UBR3: variants seen among roughly 807,000 people sequenced by gnomAD.
The protein encoded by UBR3 is ubiquitin protein ligase E3 component n-recognin 3.
A neutral mutation model predicts 243.2 loss-of-function variants in UBR3; 85 were observed. That is an observed-to-expected ratio of 0.35 (90% CI 0.29 to 0.42). The LOEUF is 0.42. Among genes scored for constraint, UBR3 ranks in the 10% least tolerant of loss-of-function variants. The pLI is 1.00. For synonymous variants in UBR3, 748 were observed against 799.8 expected (o/e 0.94, Z 1.09); for missense variants, 1,686 against 2,300.8 (o/e 0.73, Z 5.47).
chr2:169,944,476 A>C (rs1263981412), intron 20 of UBR3, among the ~76,000 whole-genome samples: 1 of 152,192 alleles, frequency 6.6e-6, no homozygotes, highest in African/African-American at 2.4e-5. Context: ...ATAAAAAGAC[A>C]ATGTTTTAGT....
chr2:170,073,102 C>A (rs1385357018), intron 35 of UBR3, among the ~76,000 whole-genome samples: 1 of 152,024 alleles, frequency 6.6e-6, no homozygotes, highest in Admixed American at 6.6e-5. Flanking sequence ...TTCTCTTTGC[C>A]CCATATTAAC....
intron 31 of UBR3, 82 bp from the exon 32 acceptor site, chr2:170,040,800 A>G (rs2090948421): frequency 8.7e-6 from 9 of 1,036,612 alleles, no homozygotes; most frequent in African/African-American, 1.6e-5. Context: ...TTTCTGTTCC[A>G]TAGATATATA....
chr2:169,995,587 T>C (rs1319270262), intron 26 of UBR3, among the ~76,000 whole-genome samples: 2 of 152,224 alleles, frequency 1.3e-5, no homozygotes, highest in African/African-American at 2.4e-5. Context: ...AAGTGAGGAC[T>C]TAATGTATTA....
chr2:170,017,548 C>G (rs201130601), intron 30 of UBR3, among the ~76,000 whole-genome samples: 102 of 23,738 alleles, frequency 4.3e-3, no homozygotes, highest in South Asian at 0.01. Context: ...CACACACAGA[C>G]ACACACACAC....
chr2:169,913,345 G>C (rs569540457), intron 10 of UBR3, among the ~76,000 whole-genome samples: 4 of 137,506 alleles, frequency 2.9e-5, no homozygotes, highest in African/African-American at 1.0e-4. Context: ...GTTTTTTTTT[G>C]TTTGTTTGTT....
intron 36 of UBR3, among the ~76,000 whole-genome samples, chr2:170,078,520 T>C (rs1574489950): frequency 6.6e-6 from 1 of 152,358 alleles, no homozygotes; most frequent in East Asian, 1.9e-4. Flanking sequence ...GTTTAGAGCA[T>C]ACACATTCTG....
At chr2:170,071,613 G>C (rs1245605122) in intron 35 of UBR3, among the ~76,000 whole-genome samples, 1 of 152,072 alleles carries the variant, frequency 6.6e-6, no homozygotes, top group African/African-American at 2.4e-5. Flanking sequence ...TGGATTTATA[G>C]CTCAGTAAAG....
At chr2:169,858,774 A>G (rs2082980428) in intron 1 of UBR3, among the ~76,000 whole-genome samples, 1 of 151,654 alleles carries the variant, frequency 6.6e-6, no homozygotes, top group Admixed American at 6.6e-5. Context: ...TAATTTTTGT[A>G]TTTTTAGTAG....
chr2:169,908,113 T>A (rs10192904), intron 10 of UBR3, among the ~76,000 whole-genome samples: 30,909 of 152,148 alleles, frequency 0.2, 3,498 homozygotes, highest in East Asian at 0.37. Context: ...CCTTTCTTGA[T>A]TCCTGTGCTT....
At chr2:169,872,764 T>C (rs1443352232) in intron 2 of UBR3, among the ~76,000 whole-genome samples, 2 of 152,040 alleles carry the variant, frequency 1.3e-5, no homozygotes, top group African/African-American at 2.4e-5. Flanking sequence ...TTATCAACTT[T>C]TTTTTAGAAG....
At chr2:169,959,609 G>A (rs1159714905) in intron 24 of UBR3, among the ~76,000 whole-genome samples, 2 of 152,094 alleles carry the variant, frequency 1.3e-5, no homozygotes, top group African/African-American at 4.8e-5. Context: ...ATGAAAGGGA[G>A]TTTACTAGGG....
intron 24 of UBR3, among the ~76,000 whole-genome samples, chr2:169,981,580 A>G (rs895496006): frequency 1.1e-4 from 16 of 152,162 alleles, no homozygotes; most frequent in South Asian, 2.1e-4. Flanking sequence ...ATAAGGAGAC[A>G]TAACAACTAA....
intron 30 of UBR3, among the ~76,000 whole-genome samples, chr2:170,017,775 G>C (rs1005008930): frequency 6.6e-6 from 1 of 152,088 alleles, no homozygotes; most frequent in Non-Finnish European, 1.5e-5. Context: ...ACGTGTCTGG[G>C]AAATTTTCCA....
intron 33 of UBR3, among the ~76,000 whole-genome samples, chr2:170,057,324 C>A (rs2091357408): frequency 6.6e-6 from 1 of 151,950 alleles, no homozygotes; most frequent in Admixed American, 6.6e-5. Context: ...TACCATGTTG[C>A]CCAGGCTGGT....
intron 31 of UBR3, among the ~76,000 whole-genome samples, chr2:170,033,842 ATTT>A (rs1234079342): frequency 2.6e-5 from 4 of 151,472 alleles, no homozygotes; most frequent in Non-Finnish European, 5.9e-5. Flanking sequence ...GCTGATAATC[ATTT>A]TTTATTTTTA....
In UBR3 at chr2:169,927,595, T is replaced by C. The variant is rs140063783; in HGVS notation, c.2424+190T>C. Among the ~76,000 whole-genome samples, 1,173 of 150,432 alleles carry C rather than the reference T, an allele frequency of 7.8e-3. 13 individuals are homozygous for C. Among genetic ancestry groups the C allele is most frequent in the African/African-American group, 0.026 (1,060 of 41,046 alleles). On this transcript the variant is annotated intron_variant, in intron 17 of 38. Transcript: ENST00000272793. ...TGACTGTTTTTTTTTTTTTTTAACC[T>C]CCTGTTATTACCTCTTGGGGAACTC...
intron 35 of UBR3, among the ~76,000 whole-genome samples, chr2:170,065,785 C>A (rs958797890): frequency 6.6e-6 from 1 of 151,868 alleles, no homozygotes; most frequent in African/African-American, 2.4e-5. Flanking sequence ...TAATAACTTG[C>A]CTTTTTACTA....
intron 32 of UBR3, among the ~76,000 whole-genome samples, chr2:170,052,885 G>A (rs1482329744): frequency 6.6e-6 from 1 of 152,160 alleles, no homozygotes; most frequent in Non-Finnish European, 1.5e-5. Flanking sequence ...ATGGGATGAT[G>A]AATATGTTAG....
rs1030629987 is a variant in UBR3 at position 169,850,406 on chromosome 2, T to C, written c.546-21830T>C. 2.0e-5 allele frequency among the ~76,000 whole-genome samples: 3 copies of C among 152,090 alleles called. No individual in the cohort carries two copies. In the East Asian group the frequency reaches 5.8e-4, roughly 29 times the overall value. On this transcript the variant is annotated intron_variant, in intron 1 of 38. Coordinates refer to ENST00000272793, the MANE Select transcript of UBR3 (RefSeq NM_172070.4). ...ATTGGCCAGGCTGGTCTTGAACTCC[T>C]TGAGTCAAGGGATCCTCCCGTCTCC...
Sources: gnomAD v4.1 joint callset for allele counts (sites outside exome capture counted in the v4.1 genomes callset) on GRCh38, gnomAD v4.1.1 for gene constraint, MANE v1.5 for transcripts, NCBI Gene and HGNC (gene_info 2026-07-23, HGNC 2026-07-21) for gene names.